BCAS4: variants seen among roughly 807,000 people sequenced by gnomAD.
The protein encoded by BCAS4 is breast carcinoma amplified sequence 4.
A neutral mutation model predicts 15.7 loss-of-function variants in BCAS4; 9 were observed. The ratio of observed to expected loss-of-function variants is 0.57; its 90% CI spans 0.34 to 1.00. The LOEUF (loss-of-function observed/expected upper bound fraction) is 1.00, where lower values mean the gene tolerates loss of function less well. Among genes scored for constraint, BCAS4 ranks in the 50% least tolerant of loss-of-function variants. The pLI, the probability that BCAS4 is intolerant of heterozygous loss-of-function variation, is 0.02. For synonymous variants in BCAS4, 101 were observed against 99.5 expected, an observed-to-expected ratio of 1.02 and a Z score of -0.09; for missense variants, 225 against 239.1, an observed-to-expected ratio of 0.94 and a Z score of 0.39.
At chr20:50,862,530 C>T (rs1039289013) in intron 4 of BCAS4, among the ~76,000 whole-genome samples, 3 of 151,828 alleles carry the variant, frequency 2.0e-5, no homozygotes, top group Non-Finnish European at 4.4e-5. Flanking sequence ...GGGAGAAGGA[C>T]GGGCCTGGGC....
At chr20:50,801,874 A>G (rs1041472075) in intron 1 of BCAS4, among the ~76,000 whole-genome samples, 1 of 152,082 alleles carries the variant, frequency 6.6e-6, no homozygotes, top group Non-Finnish European at 1.5e-5. Flanking sequence ...CTGACAGCAG[A>G]TGCCCGGCCA....
At chr20:50,868,433 C>A in intron 4 of BCAS4, among the ~76,000 whole-genome samples, 1 of 152,096 alleles carries the variant, frequency 6.6e-6, no homozygotes, top group Non-Finnish European at 1.5e-5. Flanking sequence ...TTCTTTCTTT[C>A]TTTTTTTGAG....
intron 3 of BCAS4, among the ~76,000 whole-genome samples, chr20:50,837,694 G>A (rs764611943): frequency 2.6e-5 from 4 of 152,194 alleles, no homozygotes; most frequent in Non-Finnish European, 5.9e-5. Flanking sequence ...CCTGGCCCAG[G>A]TTTCAGCCTC....
intron 2 of BCAS4, among the ~76,000 whole-genome samples, chr20:50,818,901 G>T (rs1275756051): frequency 6.6e-6 from 1 of 152,242 alleles, no homozygotes; most frequent in Non-Finnish European, 1.5e-5. Context: ...CGCCTCTAGA[G>T]GCTGGGTGCA....
chr20:50,875,730 C>T (rs1979900477), intron 4 of BCAS4, among the ~76,000 whole-genome samples: 1 of 151,712 alleles, frequency 6.6e-6, no homozygotes, highest in Non-Finnish European at 1.5e-5. Context: ...TGCAGTGAGC[C>T]AAGATGGCAC....
intron 3 of BCAS4, among the ~76,000 whole-genome samples, chr20:50,839,643 C>T (rs1346914440): frequency 6.6e-6 from 1 of 152,208 alleles, no homozygotes; most frequent in Non-Finnish European, 1.5e-5. Flanking sequence ...GCTGGGAATA[C>T]AGGCATGCAC....
intron 2 of BCAS4, among the ~76,000 whole-genome samples, chr20:50,823,265 G>C (rs530743888): frequency 1.3e-5 from 2 of 151,954 alleles, no homozygotes; most frequent in East Asian, 2.0e-4. Flanking sequence ...ACTTGAACCC[G>C]GGAGGCGGAA....
chr20:50,794,913 C>A (rs2087830350), upstream of BCAS4: 1 of 1,003,914 alleles, frequency 1.0e-6, no homozygotes, highest in Non-Finnish European at 1.2e-6. Context: ...GCGCTGCCCG[C>A]TCGGCCCGGC....
chr20:50,823,494 C>T (rs1187761536), intron 2 of BCAS4, among the ~76,000 whole-genome samples: 2 of 152,092 alleles, frequency 1.3e-5, no homozygotes, highest in African/African-American at 4.8e-5. Flanking sequence ...CTATACACAG[C>T]AACATAGATG....
rs116913951 is a variant in BCAS4 at position 50,870,663 on chromosome 20, A to G, written c.400-5823A>G. 6.0e-3 allele frequency among the ~76,000 whole-genome samples: 920 copies of G among 152,276 alleles called. 4 individuals are homozygous for G. The highest frequency in any genetic ancestry group is 9.6e-3 in the Non-Finnish European group (650 of 68,010). ...CCAATGGTCTGATTTTCCAAGAGAA[A>G]CCGGCAGTCTGCTTTTCACGGGAAA... is the stretch of plus-strand genomic sequence containing the variant. On this transcript the variant is annotated intron_variant, in intron 4 of 4. Transcript: ENST00000371608.
intron 3 of BCAS4, among the ~76,000 whole-genome samples, chr20:50,840,083 C>A (rs1268982350): frequency 6.6e-6 from 1 of 152,178 alleles, no homozygotes; most frequent in Non-Finnish European, 1.5e-5. Flanking sequence ...CCATGTTGCC[C>A]AGGCTGGTCT....
At chr20:50,801,061 C>A (rs1336762728) in intron 1 of BCAS4, among the ~76,000 whole-genome samples, 1 of 152,168 alleles carries the variant, frequency 6.6e-6, no homozygotes, top group Non-Finnish European at 1.5e-5. Flanking sequence ...GGGAAACTTC[C>A]TAACATGTCG....
At chr20:50,811,734 T>C (rs1331422038) in intron 1 of BCAS4, among the ~76,000 whole-genome samples, 1 of 152,232 alleles carries the variant, frequency 6.6e-6, no homozygotes, top group Non-Finnish European at 1.5e-5. Context: ...GCGATTCTCA[T>C]GCCTCAGCCT....
intron 4 of BCAS4, among the ~76,000 whole-genome samples, chr20:50,858,351 C>T (rs1179196049): frequency 6.6e-6 from 1 of 152,100 alleles, no homozygotes; most frequent in Non-Finnish European, 1.5e-5. Context: ...CCTGTAATCC[C>T]AGCACTTTGG....
intron 4 of BCAS4, among the ~76,000 whole-genome samples, chr20:50,842,773 A>T (rs1167952506): frequency 6.6e-6 from 1 of 151,850 alleles, no homozygotes; most frequent in Non-Finnish European, 1.5e-5. Flanking sequence ...AGATAAGGGG[A>T]CTTGTCTGAG....
intron 1 of BCAS4, among the ~76,000 whole-genome samples, chr20:50,806,862 C>CT (rs34670373): frequency 0.011 from 885 of 83,392 alleles, 69 homozygotes; most frequent in Middle Eastern, 0.015. Context: ...TCCATTTATA[C>CT]TTTTTTTTTT....
chr20:50,837,432 A>G (rs947165724), intron 3 of BCAS4, among the ~76,000 whole-genome samples: 1 of 152,132 alleles, frequency 6.6e-6, no homozygotes, highest in Non-Finnish European at 1.5e-5. Flanking sequence ...CAGGGGGGAA[A>G]ATGTGTTCAA....
At chr20:50,882,628 T>C in the BCAS4 span, 4 of 152,230 alleles carry the variant, frequency 2.6e-5, no homozygotes, top group African/African-American at 9.6e-5. Context: ...TTCAAAAAAA[T>C]GGTTAAAATC....
intron 1 of BCAS4, among the ~76,000 whole-genome samples, chr20:50,811,603 G>A (rs997275526): frequency 6.6e-6 from 1 of 152,076 alleles, no homozygotes; most frequent in Admixed American, 6.6e-5. Flanking sequence ...TGGATTTGCC[G>A]ATCTCTGGAC....
Sources: allele counts gnomAD v4.1 joint callset (sites outside exome capture counted in the v4.1 genomes callset), GRCh38; gene constraint gnomAD v4.1.1; transcripts MANE v1.5; gene names NCBI Gene and HGNC (gene_info 2026-07-23, HGNC 2026-07-21).